Variants in HECW1 observed in about 807,000 individuals in gnomAD.
The protein encoded by HECW1 is HECT, C2 and WW domain containing E3 ubiquitin protein ligase 1.
HECW1 carries 61 observed loss-of-function variants against 182.3 expected under a neutral mutation model. That is an observed-to-expected ratio of 0.33 (90% confidence interval 0.27 to 0.41). The LOEUF (loss-of-function observed/expected upper bound fraction) is 0.41. Ranked by LOEUF, HECW1 falls within the 10% of genes least tolerant of loss-of-function variation. The pLI is 1.00. For missense variants in HECW1, 1,739 were observed against 2,108.9 expected (o/e 0.82, Z 3.44); for synonymous variants, 859 against 832.6 (o/e 1.03, Z -0.55).
At chr7:43,210,608 G>A (rs551853356) in intron 2 of HECW1, among the ~76,000 whole-genome samples, 194 of 151,984 alleles carry the variant, frequency 1.3e-3, no homozygotes, top group African/African-American at 4.4e-3. Context: ...TGGAATCTGG[G>A]GCCATGCAGT....
At chr7:43,267,410 A>G (rs1002121177) in intron 3 of HECW1, among the ~76,000 whole-genome samples, 6 of 152,150 alleles carry the variant, frequency 3.9e-5, no homozygotes, top group African/African-American at 1.2e-4. Flanking sequence ...TAATGTCAAT[A>G]TAATAATTAT....
intron 3 of HECW1, among the ~76,000 whole-genome samples, chr7:43,281,591 T>C (rs1803909330): frequency 1.3e-5 from 2 of 152,062 alleles, no homozygotes; most frequent in East Asian, 1.9e-4. Flanking sequence ...CTCTTCTTTC[T>C]CTCAGTCCAC....
chr7:43,198,007 C>T (rs918927948), intron 2 of HECW1, among the ~76,000 whole-genome samples: 1 of 151,778 alleles, frequency 6.6e-6, no homozygotes, highest in African/African-American at 2.4e-5. Flanking sequence ...CATCTCGACC[C>T]TCAACGCACA....
intron 15 of HECW1, among the ~76,000 whole-genome samples, chr7:43,468,134 T>C (rs2077865736): frequency 6.6e-6 from 1 of 151,202 alleles, no homozygotes; most frequent in South Asian, 2.1e-4. Flanking sequence ...TACCGTCACA[T>C]TGTCATTTCT....
At chr7:43,507,792 T>G (rs2079649043) in intron 22 of HECW1, among the ~76,000 whole-genome samples, 2 of 152,226 alleles carry the variant, frequency 1.3e-5, no homozygotes. Flanking sequence ...TAGTTCCATA[T>G]GATGGAATGC....
At chr7:43,222,719 A>G (rs574915013) in intron 2 of HECW1, among the ~76,000 whole-genome samples, 162 of 152,116 alleles carry the variant, frequency 1.1e-3, no homozygotes, top group Non-Finnish European at 2.2e-3. Context: ...CATTCAGTCT[A>G]TCTTCCCATG....
intron 2 of HECW1, among the ~76,000 whole-genome samples, chr7:43,234,988 A>G (rs1281438591): frequency 6.6e-6 from 1 of 152,102 alleles, no homozygotes; most frequent in Non-Finnish European, 1.5e-5. Context: ...TCCCTATCTC[A>G]TTGCCTCACA....
intron 2 of HECW1, among the ~76,000 whole-genome samples, chr7:43,209,559 T>C (rs1163175389): frequency 6.6e-6 from 1 of 152,212 alleles, no homozygotes. Context: ...GATTAGAATT[T>C]GCAAGAAAGA....
intron 11 of HECW1, among the ~76,000 whole-genome samples, chr7:43,448,132 T>G (rs759403152): frequency 3.3e-5 from 5 of 151,616 alleles, no homozygotes; most frequent in Non-Finnish European, 5.9e-5. Flanking sequence ...CAGAACTCTG[T>G]CTCAAAAAAA....
chr7:43,203,902 A>G (rs192724323), intron 2 of HECW1, among the ~76,000 whole-genome samples: 1 of 152,328 alleles, frequency 6.6e-6, no homozygotes, highest in East Asian at 1.9e-4. Flanking sequence ...AATTCTTGCT[A>G]TTATGTAATA....
intron 2 of HECW1, among the ~76,000 whole-genome samples, chr7:43,127,199 T>C (rs1317192850): frequency 1.3e-5 from 2 of 152,062 alleles, no homozygotes; most frequent in Non-Finnish European, 2.9e-5. Context: ...AAATTAAAAG[T>C]GCTACTCCAA....
rs1209284734 is a variant in HECW1 at position 43,537,193 on chromosome 7, C to G, written c.4020-3970C>G. Among the ~76,000 whole-genome samples, 7 of 152,286 alleles carry G rather than the reference C, an allele frequency of 4.6e-5. No homozygotes were observed. The East Asian group carries it at 9.7e-4, about 21-fold the overall frequency. ...CACACACACAGGCTCTCGAACGGGG[C>G]CCTGGGGCCCGGTATTTAAGTAACA... On this transcript the variant is annotated intron_variant, in intron 24 of 29. Transcript: ENST00000395891.
chr7:43,300,882 T>C (rs917018), intron 3 of HECW1, among the ~76,000 whole-genome samples: 23,612 of 152,138 alleles, frequency 0.16, 2,504 homozygotes, highest in East Asian at 0.47. Flanking sequence ...ACACTGTCCC[T>C]GCACCCGCCC....
At chr7:43,445,959 G>A (rs1562989287) in intron 11 of HECW1, among the ~76,000 whole-genome samples, 2 of 152,206 alleles carry the variant, frequency 1.3e-5, no homozygotes, top group Non-Finnish European at 2.9e-5. Flanking sequence ...ACATTAAATG[G>A]ATAATGTGTA....
chr7:43,469,193 G>A (rs1486657096), intron 16 of HECW1, 88 bp downstream of exon 16: 4 of 1,359,218 alleles, frequency 2.9e-6, no homozygotes, highest in Admixed American at 3.6e-5. Flanking sequence ...AGAGTGTGGG[G>A]AGGAGTTATG....
intron 2 of HECW1, among the ~76,000 whole-genome samples, chr7:43,172,692 A>C (rs897594994): frequency 6.6e-6 from 1 of 152,208 alleles, no homozygotes; most frequent in Non-Finnish European, 1.5e-5. Context: ...AATCTTCTTA[A>C]TTGGCACAGA....
At chr7:43,542,140 AG>A in intron 26 of HECW1, 142 bp downstream of exon 26, 1 of 684,542 alleles carries the variant, frequency 1.5e-6, no homozygotes, top group Non-Finnish European at 2.1e-6. Context: ...TCCAATCTCC[AG>A]AACTTTTTCA....
intron 5 of HECW1, among the ~76,000 whole-genome samples, chr7:43,324,653 C>G (rs1349838680): frequency 6.6e-6 from 1 of 152,142 alleles, no homozygotes; most frequent in Non-Finnish European, 1.5e-5. Context: ...TCTTTGCAGT[C>G]TCCCGGCAGT....
chr7:43,373,553 A>T (rs573254374), intron 6 of HECW1, among the ~76,000 whole-genome samples: 1 of 152,132 alleles, frequency 6.6e-6, no homozygotes, highest in Admixed American at 6.5e-5. Flanking sequence ...CTACAAATAC[A>T]AATTTGAGTA....
Sources: gnomAD v4.1 joint callset for allele counts (sites outside exome capture counted in the v4.1 genomes callset) on GRCh38, gnomAD v4.1.1 for gene constraint, MANE v1.5 for transcripts, NCBI Gene and HGNC (gene_info 2026-07-23, HGNC 2026-07-21) for gene names.